Variants in FKBP6 observed in about 807,000 individuals in gnomAD.
The protein encoded by FKBP6 is inactive peptidyl-prolyl cis-trans isomerase FKBP6.
In FKBP6, 29 loss-of-function variants were observed where a neutral mutation model predicts 41.7. The observed-to-expected ratio is 0.70, with a 90% CI of 0.52 to 0.95. FKBP6 has a LOEUF of 0.95. FKBP6 is among the 40% of genes least tolerant of loss of function. The pLI is 0.00. For synonymous variants in FKBP6, 130 were observed against 165.1 expected, an observed-to-expected ratio of 0.79 and a Z score of 1.63; for missense variants, 338 against 408.7, an observed-to-expected ratio of 0.83 and a Z score of 1.49.
At chr7:73,343,241 C>T (rs142419752) in intron 8 of FKBP6, among the ~76,000 whole-genome samples, 4,346 of 152,212 alleles carry the variant, frequency 0.029, 106 homozygotes, top group Admixed American at 0.067. Context: ...CTGCAAGCTC[C>T]GCCTCCCAGG....
chr7:73,340,843 A>T lies in FKBP6; in HGVS notation c.783+11A>T. On this transcript the variant is annotated intron_variant, in intron 6 of 8. Coordinates refer to ENST00000252037, the MANE Select transcript of FKBP6 (RefSeq NM_003602.5). Reference sequence around the variant, plus strand: ...TTCAGGTGTGGACAGGTGAGTTGGAAGCCAGTGACTTGGGAATAAACACCC... The same window carrying T: ...TTCAGGTGTGGACAGGTGAGTTGGATGCCAGTGACTTGGGAATAAACACCC... The T allele has an allele frequency of 1.9e-6, 3 of 1,610,060 alleles. No individual in the cohort carries two copies. Among genetic ancestry groups the T allele is most frequent in the Non-Finnish European group, 2.5e-6 (3 of 1,176,514 alleles).
intron 5 of FKBP6, among the ~76,000 whole-genome samples, chr7:73,338,187 G>A (rs1222435431): frequency 5.3e-5 from 8 of 151,994 alleles, no homozygotes; most frequent in Admixed American, 4.6e-4. Flanking sequence ...CACCACACCT[G>A]GCTAATTTTT....
intron 2 of FKBP6, among the ~76,000 whole-genome samples, chr7:73,329,065 C>T (rs1804739780): frequency 6.6e-6 from 1 of 152,104 alleles, no homozygotes; most frequent in Non-Finnish European, 1.5e-5. Flanking sequence ...TCAGCCTCCC[C>T]AGTAGCTGGG....
rs1554547375 is a variant in FKBP6, at chr7:73,330,151, T to C, written c.267T>C (p.Asp89=). 6 of 1,612,454 alleles carry C rather than the reference T, an allele frequency of 3.7e-6. No homozygotes were observed. Among genetic ancestry groups the C allele is most frequent in the Middle Eastern group, 1.6e-4 (1 of 6,078 alleles). The change falls in exon 4 of 9, where the codon GAT becomes GAC. Residue 89 remains aspartate (D), a splice_region_variant and synonymous_variant. Transcript: ENST00000252037. ...CACCTTCTTTGTCCATTCTTACAGA[T>C]ATTACACTGTGGGGCATGGAGCTGG... The part of the protein sequence containing the change: ...KTPRLMKLGE[D]ITLWGMELGL...
intron 8 of FKBP6, among the ~76,000 whole-genome samples, chr7:73,348,223 A>G (rs1436678842): frequency 6.6e-6 from 1 of 151,182 alleles, no homozygotes; most frequent in East Asian, 1.9e-4. Context: ...CAACTCTTCC[A>G]TCTTCATTTC....
rs371070079 is a variant in FKBP6 at position 73,328,471 on chromosome 7, G to A, written c.43G>A (p.Asp15Asn). The A allele has an allele frequency of 1.2e-5, 19 of 1,552,580 alleles. No individual in the cohort carries two copies. In the African/African-American group the frequency reaches 1.6e-4, roughly 13 times the overall value. ...ALNQGVLEGD[D>N]APGQSLYERL... ...AAACCAGGGAGTCCTGGAAGGGGAC[G>A]ACGCCCCCGGCCAGGTGAGGGCCCA... Residue 15 changes from aspartate (D) to asparagine (N), a missense_variant, in exon 1 of 9, where the codon GAC (aspartate) becomes AAC (asparagine). Transcript: ENST00000252037.
chr7:73,349,558 A>C (rs1805428888), intron 8 of FKBP6, among the ~76,000 whole-genome samples: 2 of 146,816 alleles, frequency 1.4e-5, no homozygotes, highest in African/African-American at 5.1e-5. Flanking sequence ...AAAAAAAAAA[A>C]AAAAAAAAAT....
chr7:73,330,045 G>A (rs1425071510), intron 3 of FKBP6, 105 bp from the exon 4 acceptor site: 3 of 794,678 alleles, frequency 3.8e-6, no homozygotes, highest in Admixed American at 3.9e-5. Context: ...CTGTGTGAGG[G>A]AGACATGGAG....
chr7:73,329,941 G>A, intron 3 of FKBP6: 1 of 617,298 alleles, frequency 1.6e-6, no homozygotes, highest in Non-Finnish European at 2.9e-6. Flanking sequence ...CCTGGAAGTG[G>A]GGGCATTTGA....
intron 2 of FKBP6, among the ~76,000 whole-genome samples, 184 bp downstream of exon 2, chr7:73,328,876 A>G (rs1804730909): frequency 6.6e-6 from 1 of 152,060 alleles, no homozygotes; most frequent in Non-Finnish European, 1.5e-5. Flanking sequence ...TGGTGCGATC[A>G]TAGCTCACTG....
chr7:73,356,770 C>T (rs1002483867), intron 8 of FKBP6, among the ~76,000 whole-genome samples: 1 of 152,066 alleles, frequency 6.6e-6, no homozygotes, highest in Non-Finnish European at 1.5e-5. Flanking sequence ...TTGTCTTCTC[C>T]TCTTGTATCT....
Position 73,329,350 on chromosome 7 carries a change from T to G in FKBP6, c.176-10T>G. ...GGTCCATTTTCCTTACATTCTTTCT[T>G]CTATCCTAGTGAAATACTCGGGATA... is the stretch of plus-strand genomic sequence containing the variant. On this transcript the variant is annotated splice_polypyrimidine_tract_variant and intron_variant, in intron 2 of 8. Coordinates refer to ENST00000252037, the MANE Select transcript of FKBP6 (RefSeq NM_003602.5). The G allele has an allele frequency of 1.3e-6, 2 of 1,541,170 alleles. No homozygotes were observed. Among genetic ancestry groups the G allele is most frequent in the African/African-American group, 1.4e-5 (1 of 73,616 alleles).
At chr7:73,345,519 G>A (rs1421444627) in intron 8 of FKBP6, among the ~76,000 whole-genome samples, 1 of 152,168 alleles carries the variant, frequency 6.6e-6, no homozygotes, top group Admixed American at 6.6e-5. Flanking sequence ...CTGGTTGGGG[G>A]TATGTAGAAC....
chr7:73,336,973 A>G, intron 5 of FKBP6: 1 of 320,120 alleles, frequency 3.1e-6, no homozygotes, highest in South Asian at 2.5e-5. Context: ...GTCTGAGAAA[A>G]AAATTTAAAC....
At chr7:73,347,396 G>A (rs1405360253) in intron 8 of FKBP6, among the ~76,000 whole-genome samples, 2 of 152,160 alleles carry the variant, frequency 1.3e-5, no homozygotes, top group African/African-American at 4.8e-5. Flanking sequence ...AGAGTCAAAC[G>A]CTGCATATAC....
intron 5 of FKBP6, among the ~76,000 whole-genome samples, chr7:73,333,389 C>T (rs1276345260): frequency 2.6e-5 from 4 of 152,192 alleles, no homozygotes; most frequent in African/African-American, 9.7e-5. Context: ...CTAACAGAAC[C>T]TCCCATTTCA....
chr7:73,341,531 CG>C (rs1189464935), intron 7 of FKBP6, 149 bp downstream of exon 7: 5 of 676,424 alleles, frequency 7.4e-6, no homozygotes, highest in Admixed American at 4.3e-5. Flanking sequence ...CTGAAGTGCT[CG>C]GCCGTGCGCT....
intron 8 of FKBP6, among the ~76,000 whole-genome samples, chr7:73,348,114 A>G (rs1554550538): frequency 6.6e-6 from 1 of 152,084 alleles, no homozygotes; most frequent in Non-Finnish European, 1.5e-5. Context: ...ATTCCCTGTC[A>G]TCTTGTTATG....
chr7:73,354,759 T>C (rs1403314215), intron 8 of FKBP6, among the ~76,000 whole-genome samples: 1 of 152,198 alleles, frequency 6.6e-6, no homozygotes, highest in African/African-American at 2.4e-5. Flanking sequence ...ATCAGTGTTT[T>C]TGAAGGGCTG....
Sources: gnomAD v4.1 joint callset for allele counts (sites outside exome capture counted in the v4.1 genomes callset) on GRCh38, gnomAD v4.1.1 for gene constraint, MANE v1.5 for transcripts, NCBI Gene and HGNC (gene_info 2026-07-23, HGNC 2026-07-21) for gene names.